The following EPC1 variants were observed in gnomAD, a reference collection of about 807,000 sequenced individuals.
The protein encoded by EPC1 is enhancer of polycomb homolog 1.
Under a neutral mutation model 98.4 loss-of-function variants are expected in EPC1, and 12 were observed. That is an observed-to-expected ratio of 0.12 (90% CI 0.08 to 0.20). EPC1 has a LOEUF of 0.20. Among genes scored for constraint, EPC1 ranks in the 10% least tolerant of loss-of-function variants. The pLI is 1.00. For synonymous variants in EPC1, 357 were observed against 363.9 expected, an observed-to-expected ratio of 0.98 and a Z score of 0.21; for missense variants, 729 against 990.5, an observed-to-expected ratio of 0.74 and a Z score of 3.54.
chr10:32,315,611 A>C (rs1052608253), intron 1 of EPC1, among the ~76,000 whole-genome samples: 1 of 152,216 alleles, frequency 6.6e-6, no homozygotes, highest in Non-Finnish European at 1.5e-5. Flanking sequence ...ATGCATGTAG[A>C]GGGAGACTCC....
At chr10:32,366,342 C>T (rs1441358760) in intron 1 of EPC1, among the ~76,000 whole-genome samples, 1 of 152,122 alleles carries the variant, frequency 6.6e-6, no homozygotes, top group African/African-American at 2.4e-5. Context: ...TAAACACAAG[C>T]AGGCACACCC....
intron 10 of EPC1, among the ~76,000 whole-genome samples, chr10:32,281,402 A>G (rs1005730780): frequency 7.9e-5 from 12 of 152,218 alleles, no homozygotes; most frequent in African/African-American, 2.6e-4. Context: ...ATCAGACTAC[A>G]TCAGAGTTTC....
At chr10:32,270,708 C>T (rs938621474) in intron 13 of EPC1, among the ~76,000 whole-genome samples, 2 of 150,656 alleles carry the variant, frequency 1.3e-5, no homozygotes, top group Non-Finnish European at 2.9e-5. Context: ...GCCTGTAATC[C>T]CATCTACTCA....
At position 32,323,523 on chromosome 10, in the gene EPC1, G is replaced by A. The variant is rs1432526533; in HGVS notation, c.154-17592C>T. 3.3e-5 allele frequency among the ~76,000 whole-genome samples: 5 copies of A among 152,234 alleles called. No individual in the cohort carries two copies. In the East Asian group the frequency reaches 7.7e-4, roughly 23 times the overall value. ...CAAAGTTTCTGATTTCATTAGATGA[G>A]TCTTATCAAATAGGAAGGTATCTAA... On this transcript the variant is annotated intron_variant, in intron 1 of 13. Transcript: ENST00000319778.
rs1839688966 is a variant in EPC1, at chr10:32,369,454, T to C, written c.3+9037A>G. On this transcript the variant is annotated intron_variant, in intron 1 of 13. Transcript: ENST00000375110. The stretch of plus-strand genomic sequence containing the variant: ...AATAAGGCTCAGTACACCCCATCAG[T>C]GTCTCAAACAAGGATCTAGTTGTGT... 2.6e-5 allele frequency among the ~76,000 whole-genome samples: 4 copies of C among 152,162 alleles called. No individual in the cohort carries two copies. In the South Asian group the frequency reaches 8.3e-4, roughly 32 times the overall value.
upstream of EPC1, chr10:32,347,165 T>C (rs1247976605): frequency 1.5e-6 from 2 of 1,374,816 alleles, no homozygotes; most frequent in Non-Finnish European, 1.9e-6. Flanking sequence ...CTGTGCGCTC[T>C]TCAGCCAACC....
intron 1 of EPC1, among the ~76,000 whole-genome samples, chr10:32,333,515 G>T (rs1837766639): frequency 6.6e-6 from 1 of 152,184 alleles, no homozygotes; most frequent in African/African-American, 2.4e-5. Flanking sequence ...GGACTTGATG[G>T]TTTAGAAAAT....
intron 1 of EPC1, among the ~76,000 whole-genome samples, chr10:32,322,604 CACTT>C (rs1484015960): frequency 6.7e-6 from 1 of 149,654 alleles, no homozygotes; most frequent in Admixed American, 6.7e-5. Flanking sequence ...GCTGTTGTTA[CACTT>C]ACTTTATTAC....
chr10:32,335,993 A>G (rs1001429518), intron 1 of EPC1, among the ~76,000 whole-genome samples: 4 of 151,724 alleles, frequency 2.6e-5, no homozygotes, highest in African/African-American at 9.7e-5. Flanking sequence ...ACCATTCATC[A>G]GCTCCCGGAT....
intron 1 of EPC1, among the ~76,000 whole-genome samples, chr10:32,338,567 A>T (rs184326263): frequency 3.0e-3 from 462 of 152,150 alleles, no homozygotes; most frequent in African/African-American, 0.011. Flanking sequence ...CTCATCTCCT[A>T]ATCTACAACC....
chr10:32,303,846 G>T (rs565020421), intron 2 of EPC1, among the ~76,000 whole-genome samples: 1 of 152,308 alleles, frequency 6.6e-6, no homozygotes, highest in South Asian at 2.1e-4. Context: ...TCAATTTCTT[G>T]GTTTTGATAC....
At chr10:32,294,525 G>C (rs1317708352) in intron 2 of EPC1, among the ~76,000 whole-genome samples, 2 of 152,122 alleles carry the variant, frequency 1.3e-5, no homozygotes, top group Non-Finnish European at 2.9e-5. Flanking sequence ...CAAAAATTTC[G>C]AACTGCGGAG....
At chr10:32,308,106 G>C (rs1427937795) in intron 1 of EPC1, among the ~76,000 whole-genome samples, 1 of 152,214 alleles carries the variant, frequency 6.6e-6, no homozygotes, top group Non-Finnish European at 1.5e-5. Context: ...GCCAATGTCG[G>C]CTGGACGTGG....
rs576315055 is a variant in EPC1, at chr10:32,339,505, A to G, written c.153+7258T>C. The stretch of plus-strand genomic sequence containing the variant: ...GGTGGCAATGAGCCGAGATCATGCC[A>G]CTGCACTCCAGCCTGGGTGACAGAG... On this transcript the variant is annotated intron_variant, in intron 1 of 13. Coordinates refer to ENST00000319778, the MANE Select transcript of EPC1 (RefSeq NM_001272004.3). Among the ~76,000 whole-genome samples the G allele has an allele frequency of 2.6e-4, 40 of 152,314 alleles. No individual in the cohort carries two copies. In the South Asian group the frequency reaches 8.1e-3, roughly 31 times the overall value.
chr10:32,275,121 GT>G (rs1416705899), intron 10 of EPC1, among the ~76,000 whole-genome samples: 1 of 152,228 alleles, frequency 6.6e-6, no homozygotes, highest in East Asian at 1.9e-4. Context: ...GAATGTCTAT[GT>G]ATTAAAGTCC....
chr10:32,345,190 G>C, intron 1 of EPC1: 3 of 984,548 alleles, frequency 3.0e-6, no homozygotes, highest in Non-Finnish European at 3.6e-6. Context: ...CTCTAAAGTT[G>C]ATACAAGTAA....
At chr10:32,310,572 T>G (rs1403539563) in intron 1 of EPC1, among the ~76,000 whole-genome samples, 1 of 152,262 alleles carries the variant, frequency 6.6e-6, no homozygotes, top group Non-Finnish European at 1.5e-5. Context: ...ATCAATATTA[T>G]AGTGAACACT....
chr10:32,288,320 T>C (rs986155075), intron 6 of EPC1, among the ~76,000 whole-genome samples: 1 of 116,404 alleles, frequency 8.6e-6, no homozygotes. Flanking sequence ...TTCTTTTTTT[T>C]TTTTTTTTTT....
At chr10:32,278,631 A>G (rs541672641) in intron 10 of EPC1, among the ~76,000 whole-genome samples, 1 of 152,120 alleles carries the variant, frequency 6.6e-6, no homozygotes, top group South Asian at 2.1e-4. Flanking sequence ...CTTTGTTTTT[A>G]ATAACAAAAC....
Sources: gnomAD v4.1 joint callset for allele counts (sites outside exome capture counted in the v4.1 genomes callset) on GRCh38, gnomAD v4.1.1 for gene constraint, MANE v1.5 for transcripts, NCBI Gene and HGNC (gene_info 2026-07-23, HGNC 2026-07-21) for gene names.